Variants in SAMSN1 observed in about 807,000 individuals in gnomAD.
SAMSN1 encodes the protein SAM domain, SH3 domain and nuclear localization signals 1.
In SAMSN1, 31 loss-of-function variants were observed where a neutral mutation model predicts 42.0. The observed-to-expected ratio is 0.74, with a 90% CI of 0.55 to 1.00. The LOEUF is 1.00. Among genes scored for constraint, SAMSN1 ranks in the 50% least tolerant of loss-of-function variants. The pLI, the probability that SAMSN1 is intolerant of heterozygous loss-of-function variation, is 0.00. For synonymous variants in SAMSN1, 178 were observed against 151.9 expected (o/e 1.17, Z -1.26); for missense variants, 464 against 439.4 (o/e 1.06, Z -0.50).
chr21:14,493,682 A>G (rs1986792194), intron 7 of SAMSN1, among the ~76,000 whole-genome samples: 1 of 152,134 alleles, frequency 6.6e-6, no homozygotes, highest in Admixed American at 6.6e-5. Flanking sequence ...TTAAATTCAG[A>G]TAATAAATAG....
chr21:14,586,218 G>A (rs1425553061), upstream of SAMSN1, among the ~76,000 whole-genome samples: 17 of 122,902 alleles, frequency 1.4e-4, no homozygotes, highest in African/African-American at 3.8e-4. Context: ...AGCCGAGATC[G>A]CACCACTGAA....
chr21:14,658,601 C>T (rs562732767), intron 1 of SAMSN1: 15 of 581,680 alleles, frequency 2.6e-5, no homozygotes, highest in African/African-American at 1.9e-4. Context: ...AGCATCCTTT[C>T]TCACTGTTCT....
chr21:14,546,225 CCTT>C lies in SAMSN1; in HGVS notation c.34_36del (p.Lys12del), dbSNP rs1241523835. 5 of 1,613,154 alleles carry C rather than the reference CCTT, an allele frequency of 3.1e-6. No homozygotes were observed. The highest frequency in any genetic ancestry group is 3.4e-6 in the Non-Finnish European group (4 of 1,179,596). On this transcript the variant is annotated inframe_deletion, in exon 1 of 8. Coordinates refer to ENST00000400566, the MANE Select transcript of SAMSN1 (RefSeq NM_022136.5). ...CTTACCTTTGGTTTTTGATGTTTCT[CCTT>C]CTCTGAAACATTGGATGGCTTTCTC...
intron 6 of SAMSN1, among the ~76,000 whole-genome samples, chr21:14,499,682 A>G (rs1346082302): frequency 1.3e-5 from 2 of 152,172 alleles, no homozygotes; most frequent in Non-Finnish European, 2.9e-5. Context: ...TCACACAATG[A>G]ACAAGATTCA....
Position 14,500,744 on chromosome 21 carries a change from A to G in SAMSN1, c.562-9T>C, listed in dbSNP as rs1368653235. 4 of 1,595,998 alleles carry G rather than the reference A, an allele frequency of 2.5e-6. No individual in the cohort carries two copies. The highest frequency in any genetic ancestry group is 2.6e-6 in the Non-Finnish European group (3 of 1,163,662). ...TCTATGATGTCTCCTTTCTAAGGGC[A>G]AAGAAATCCATACACATTAGATTTC... On this transcript the variant is annotated splice_polypyrimidine_tract_variant and intron_variant, in intron 5 of 7. Transcript: ENST00000400566.
intron 1 of SAMSN1, among the ~76,000 whole-genome samples, chr21:14,533,891 A>T (rs1979426885): frequency 6.6e-6 from 1 of 152,216 alleles, no homozygotes; most frequent in African/African-American, 2.4e-5. Context: ...AGCCTTAGGT[A>T]CACATCTCAC....
At chr21:14,585,606 A>AT (rs1331071499), upstream of SAMSN1, 2 of 152,098 alleles carry the variant, frequency 1.3e-5, no homozygotes, top group East Asian at 3.8e-4. Context: ...TTCACATTCT[A>AT]TTGTAGCCTT....
At chr21:14,615,937 C>G in intron 3 of SAMSN1, 1 of 452,018 alleles carries the variant, frequency 2.2e-6, no homozygotes, top group Non-Finnish European at 4.1e-6. Context: ...CATTACAGAA[C>G]TAAGGGAACA....
chr21:14,576,464 A>T (rs1454434722), intron 2 of SAMSN1, among the ~76,000 whole-genome samples: 1 of 152,166 alleles, frequency 6.6e-6, no homozygotes, highest in Non-Finnish European at 1.5e-5. Context: ...TTCTTGAGAC[A>T]TATTAAAACT....
chr21:14,510,730 A>G (rs1987654482), intron 4 of SAMSN1, among the ~76,000 whole-genome samples: 1 of 152,194 alleles, frequency 6.6e-6, no homozygotes, highest in South Asian at 2.1e-4. Flanking sequence ...CCGTAATCGG[A>G]TCCAGTGCAC....
chr21:14,639,341 T>C (rs1983541262), intron 2 of SAMSN1, among the ~76,000 whole-genome samples: 1 of 152,158 alleles, frequency 6.6e-6, no homozygotes, highest in South Asian at 2.1e-4. Flanking sequence ...CCACATCTCG[T>C]GAGGACCTTC....
chr21:14,644,736 G>C (rs539163330), intron 1 of SAMSN1, among the ~76,000 whole-genome samples: 85 of 152,238 alleles, frequency 5.6e-4, no homozygotes, highest in African/African-American at 2.0e-3. Context: ...CTTATTCCAG[G>C]ACTGTATGCT....
At chr21:14,505,140 A>G (rs766316297) in intron 5 of SAMSN1, among the ~76,000 whole-genome samples, 1 of 152,238 alleles carries the variant, frequency 6.6e-6, no homozygotes, top group Non-Finnish European at 1.5e-5. Context: ...TCTTTGAAGC[A>G]TAAATCTCAC....
intron 2 of SAMSN1, among the ~76,000 whole-genome samples, chr21:14,642,700 T>G (rs1983624139): frequency 6.6e-6 from 1 of 152,222 alleles, no homozygotes; most frequent in South Asian, 2.1e-4. Flanking sequence ...TATCTTATCT[T>G]GCCTTTCTTT....
At position 14,604,253 on chromosome 21, in the gene SAMSN1, A is replaced by G. The variant is rs140645760; in HGVS notation, c.323-2154T>C. Among the ~76,000 whole-genome samples, 599 of 152,352 alleles carry G rather than the reference A, an allele frequency of 3.9e-3. 5 individuals are homozygous for G. The highest frequency in any genetic ancestry group is 0.013 in the African/African-American group (522 of 41,576). On this transcript the variant is annotated intron_variant, in intron 5 of 15. Transcript: ENST00000647101. Reference sequence around the variant, plus strand: ...CAGGCTATATTTTCCAAAGTTGGCCACAACCATGCCTCCCATTCCGTGTGT... The same window carrying G: ...CAGGCTATATTTTCCAAAGTTGGCCGCAACCATGCCTCCCATTCCGTGTGT...
chr21:14,581,276 C>A (rs1981709232), intron 2 of SAMSN1, among the ~76,000 whole-genome samples: 1 of 146,104 alleles, frequency 6.8e-6, no homozygotes, highest in South Asian at 2.2e-4. Flanking sequence ...AGCTGTCTGA[C>A]TTTGCACCTG....
chr21:14,573,819 T>G (rs1469863300), intron 2 of SAMSN1, among the ~76,000 whole-genome samples: 1 of 152,144 alleles, frequency 6.6e-6, no homozygotes, highest in Non-Finnish European at 1.5e-5. Context: ...TCCAAAGAGA[T>G]CCTACTATGA....
upstream of SAMSN1, among the ~76,000 whole-genome samples, chr21:14,546,620 T>C (rs1980406813): frequency 6.7e-6 from 1 of 150,086 alleles, no homozygotes; most frequent in African/African-American, 2.5e-5. Flanking sequence ...AAAGAAAAAA[T>C]CGGAGCCAAT....
At chr21:14,627,702 A>G (rs1568836382) in intron 2 of SAMSN1, among the ~76,000 whole-genome samples, 1 of 152,340 alleles carries the variant, frequency 6.6e-6, no homozygotes, top group Non-Finnish European at 1.5e-5. Flanking sequence ...ATGCTCAATA[A>G]ATGTACTAAA....
Sources: gnomAD v4.1 joint callset for allele counts (sites outside exome capture counted in the v4.1 genomes callset) on GRCh38, gnomAD v4.1.1 for gene constraint, MANE v1.5 for transcripts, NCBI Gene and HGNC (gene_info 2026-07-23, HGNC 2026-07-21) for gene names.